The following CSRNP3 variants were observed in gnomAD, a reference collection of about 807,000 sequenced individuals.
CSRNP3 encodes cysteine/serine-rich nuclear protein 3.
A neutral mutation model predicts 48.0 loss-of-function variants in CSRNP3; 12 were observed. The observed-to-expected ratio is 0.25, with a 90% CI of 0.16 to 0.41. CSRNP3 has a LOEUF of 0.41. Among genes scored for constraint, CSRNP3 ranks in the 10% least tolerant of loss-of-function variants. The pLI is 1.00. For synonymous variants in CSRNP3, 263 were observed against 269.7 expected, an observed-to-expected ratio of 0.98 and a Z score of 0.24; for missense variants, 580 against 724.4, an observed-to-expected ratio of 0.80 and a Z score of 2.29.
intron 4 of CSRNP3, among the ~76,000 whole-genome samples, chr2:165,657,497 A>C (rs2054027): frequency 0.69 from 104,532 of 151,974 alleles, 36,335 homozygotes; most frequent in South Asian, 0.78. Flanking sequence ...TGACAACTTT[A>C]CTGAAAGTTT....
intron 3 of CSRNP3, among the ~76,000 whole-genome samples, chr2:165,558,248 T>G (rs919147899): frequency 3.9e-5 from 6 of 152,202 alleles, no homozygotes; most frequent in African/African-American, 1.4e-4. Context: ...TTGGGTATAC[T>G]CTACTCATTC....
chr2:165,653,464 C>T (rs1686948828), intron 4 of CSRNP3, among the ~76,000 whole-genome samples: 1 of 152,188 alleles, frequency 6.6e-6, no homozygotes, highest in African/African-American at 2.4e-5. Context: ...TGCTCCCTGA[C>T]ACTATTGTCG....
intron 3 of CSRNP3, among the ~76,000 whole-genome samples, chr2:165,522,807 C>T (rs1387972221): frequency 6.6e-6 from 1 of 152,086 alleles, no homozygotes; most frequent in Admixed American, 6.5e-5. Context: ...TCCAGCCACT[C>T]CTTTCTTCCA....
At chr2:165,613,750 T>G (rs1254446051) in intron 4 of CSRNP3, among the ~76,000 whole-genome samples, 1 of 152,148 alleles carries the variant, frequency 6.6e-6, no homozygotes, top group Non-Finnish European at 1.5e-5. Flanking sequence ...TCTGTTCCAG[T>G]GGTCTATGTG....
chr2:165,671,771 A>G (rs1241768661), intron 5 of CSRNP3, among the ~76,000 whole-genome samples: 2 of 152,056 alleles, frequency 1.3e-5, no homozygotes, highest in African/African-American at 2.4e-5. Flanking sequence ...TTTCTCTTCT[A>G]TTGGATTGTC....
intron 4 of CSRNP3, among the ~76,000 whole-genome samples, chr2:165,630,487 G>A (rs1025166054): frequency 6.6e-6 from 1 of 152,016 alleles, no homozygotes; most frequent in Non-Finnish European, 1.5e-5. Flanking sequence ...CTTCCCCATG[G>A]CATTAACTGC....
At chr2:165,509,307 G>A (rs1684468561) in intron 2 of CSRNP3, among the ~76,000 whole-genome samples, 1 of 152,130 alleles carries the variant, frequency 6.6e-6, no homozygotes, top group African/African-American at 2.4e-5. Flanking sequence ...ATGAAGTGAG[G>A]GAGTAGGCCA....
chr2:165,584,204 A>G (rs1003440899), intron 3 of CSRNP3, among the ~76,000 whole-genome samples: 3 of 152,218 alleles, frequency 2.0e-5, no homozygotes, highest in African/African-American at 7.2e-5. Context: ...CTCTGAGTCT[A>G]TTTAGTAAAC....
At chr2:165,541,122 G>A (rs1474534248) in intron 3 of CSRNP3, among the ~76,000 whole-genome samples, 1 of 151,624 alleles carries the variant, frequency 6.6e-6, no homozygotes, top group East Asian at 1.9e-4. Context: ...GTCAGTTACT[G>A]TTTGTAGTTC....
chr2:165,547,507 T>C (rs1685046914), intron 3 of CSRNP3, among the ~76,000 whole-genome samples: 1 of 152,126 alleles, frequency 6.6e-6, no homozygotes, highest in Non-Finnish European at 1.5e-5. Flanking sequence ...TGGGTTTCAA[T>C]TCACGTTTCC....
chr2:165,537,173 GT>G (rs1294506980), intron 3 of CSRNP3, among the ~76,000 whole-genome samples: 3 of 151,422 alleles, frequency 2.0e-5, no homozygotes, highest in Admixed American at 6.6e-5. Context: ...GCGAGGGATG[GT>G]GGCTAACAAA....
chr2:165,636,921 A>G (rs1284922444), intron 4 of CSRNP3, among the ~76,000 whole-genome samples: 1 of 152,202 alleles, frequency 6.6e-6, no homozygotes, highest in Non-Finnish European at 1.5e-5. Context: ...ACTAGGCAGT[A>G]GGGTTGACCT....
chr2:165,678,047 A>T (rs1296128407), intron 6 of CSRNP3, among the ~76,000 whole-genome samples: 1 of 152,142 alleles, frequency 6.6e-6, no homozygotes, highest in African/African-American at 2.4e-5. Context: ...GTGCATATCC[A>T]TTGCAGCGCT....
Position 165,686,520 on chromosome 2 carries a change from T to A in CSRNP3, c.*6767T>A, listed in dbSNP as rs889649945. 8 of 148,172 alleles carry A rather than the reference T, an allele frequency of 5.4e-5. No individual in the cohort carries two copies. Among genetic ancestry groups the A allele is most frequent in the African/African-American group, 1.7e-4 (7 of 40,864 alleles). The allele number at this position is 148,172 out of a possible 1,614,324, so 9.2% of individuals were successfully genotyped here. ...ATTTAATAAAAAAGAGAAGAAAAAA[T>A]AAAATCTAAATCTCAATTACCCTAA... On this transcript the variant is annotated 3_prime_UTR_variant, in exon 7 of 7. Coordinates refer to ENST00000651982, the MANE Select transcript of CSRNP3 (RefSeq NM_001172173.2).
At chr2:165,626,950 G>A (rs116758739) in intron 4 of CSRNP3, among the ~76,000 whole-genome samples, 1,582 of 152,192 alleles carry the variant, frequency 0.01, 9 homozygotes, top group Non-Finnish European at 0.016. Context: ...CTGTAGCCTT[G>A]TTGCTGGCCT....
At chr2:165,592,826 G>A (rs1003960757) in intron 3 of CSRNP3, among the ~76,000 whole-genome samples, 2 of 121,910 alleles carry the variant, frequency 1.6e-5, no homozygotes, top group Non-Finnish European at 3.4e-5. Flanking sequence ...TTTTGAGACG[G>A]AGTCTCGCTC....
chr2:165,507,830 G>T (rs932185627), intron 2 of CSRNP3, among the ~76,000 whole-genome samples: 1 of 152,092 alleles, frequency 6.6e-6, no homozygotes, highest in Non-Finnish European at 1.5e-5. Flanking sequence ...TCTTATTGTG[G>T]CAGAAAAGAT....
chr2:165,684,757 A>G lies in CSRNP3; in HGVS notation c.*5004A>G, dbSNP rs545607380. The G allele has an allele frequency of 3.3e-5, 5 of 152,210 alleles. No individual in the cohort carries two copies. The highest frequency in any genetic ancestry group is 1.2e-4 in the African/African-American group (5 of 41,580). The allele number at this position is 152,210 out of a possible 1,614,324, so 9.4% of individuals were successfully genotyped here. On this transcript the variant is annotated 3_prime_UTR_variant, in exon 7 of 7. Transcript: ENST00000651982. Reference sequence around the variant, plus strand: ...ACTTAATTGAATATCAGCAATTTTAATACCCACTAGAATTATGGAAGTATC... The same window carrying G: ...ACTTAATTGAATATCAGCAATTTTAGTACCCACTAGAATTATGGAAGTATC...
At chr2:165,516,996 G>T (rs1466997282) in intron 2 of CSRNP3, among the ~76,000 whole-genome samples, 1 of 152,006 alleles carries the variant, frequency 6.6e-6, no homozygotes, top group Non-Finnish European at 1.5e-5. Flanking sequence ...ACTAGCTATT[G>T]TCATTGGCTA....
Sources: allele counts gnomAD v4.1 joint callset (sites outside exome capture counted in the v4.1 genomes callset), GRCh38; gene constraint gnomAD v4.1.1; transcripts MANE v1.5; gene names NCBI Gene and HGNC (gene_info 2026-07-23, HGNC 2026-07-21).